The following TBL1X variants were observed in gnomAD, a reference collection of about 807,000 sequenced individuals.
TBL1X encodes the protein transducin beta like 1 X-linked, also known as F-box-like/WD repeat-containing protein TBL1X.
A neutral mutation model predicts 50.7 loss-of-function variants in TBL1X; 10 were observed. That is an observed-to-expected ratio of 0.20 (90% CI 0.12 to 0.33). TBL1X has a LOEUF of 0.33. Ranked by LOEUF, TBL1X falls within the 10% of genes least tolerant of loss-of-function variation. The pLI is 1.00. For synonymous variants in TBL1X, 190 were observed against 214.7 expected, an observed-to-expected ratio of 0.88 and a Z score of 1.01; for missense variants, 340 against 504.4, an observed-to-expected ratio of 0.67 and a Z score of 3.12.
intron 2 of TBL1X, among the ~76,000 whole-genome samples, chrX:9,550,429 A>C (rs1473243581): frequency 8.9e-6 from 1 of 112,457 alleles, no homozygotes; most frequent in Admixed American, 9.4e-5. Flanking sequence ...AATGGGGCTT[A>C]ATACAATACA....
intron 2 of TBL1X, among the ~76,000 whole-genome samples, chrX:9,606,046 G>A (rs1360877212): frequency 8.9e-6 from 1 of 112,353 alleles, no homozygotes; most frequent in Non-Finnish European, 1.9e-5. Flanking sequence ...AGGTGGTTCT[G>A]GCTCAGGGTC....
chrX:9,666,738 C>CT (rs760376926), intron 5 of TBL1X, among the ~76,000 whole-genome samples: 47 of 111,544 alleles, frequency 4.2e-4, no homozygotes, highest in African/African-American at 1.5e-3. Context: ...CAGACATTGT[C>CT]TGCAGCTCTG....
At chrX:9,670,522 A>T (rs1438135240) in intron 5 of TBL1X, among the ~76,000 whole-genome samples, 3 of 112,305 alleles carry the variant, frequency 2.7e-5, no homozygotes, top group Non-Finnish European at 5.6e-5. Context: ...TGTCTTGATA[A>T]ATCAGCTCTG....
chrX:9,681,643 G>A (rs1013807882), intron 5 of TBL1X, among the ~76,000 whole-genome samples: 1 of 112,457 alleles, frequency 8.9e-6, no homozygotes, highest in South Asian at 3.7e-4. Flanking sequence ...CCAGGAGCAC[G>A]AGACTTTCCT....
intron 2 of TBL1X, among the ~76,000 whole-genome samples, chrX:9,554,809 A>G (rs768254576): frequency 4.5e-5 from 5 of 112,002 alleles, no homozygotes; most frequent in Non-Finnish European, 9.4e-5. Context: ...AGTGAATTTT[A>G]GTAAATTTAC....
intron 2 of TBL1X, among the ~76,000 whole-genome samples, chrX:9,537,785 C>G (rs940060988): frequency 8.9e-6 from 1 of 112,363 alleles, no homozygotes; most frequent in Non-Finnish European, 1.9e-5. Flanking sequence ...CATATGTTTA[C>G]TTCTCATTGA....
At chrX:9,470,981 C>G (rs1051014695) in intron 1 of TBL1X, among the ~76,000 whole-genome samples, 1 of 112,153 alleles carries the variant, frequency 8.9e-6, no homozygotes, top group African/African-American at 3.2e-5. Flanking sequence ...TTGCACAGTC[C>G]TACCAAAAGG....
intron 7 of TBL1X, among the ~76,000 whole-genome samples, chrX:9,688,972 C>T (rs1407214350): frequency 1.8e-5 from 2 of 113,423 alleles, no homozygotes; most frequent in African/African-American, 6.4e-5. Context: ...GTGTATGTGC[C>T]TGTGTCTGTG....
chrX:9,705,573 A>G (rs6640475), intron 13 of TBL1X, among the ~76,000 whole-genome samples: 17,807 of 109,962 alleles, frequency 0.16, 1,392 homozygotes, highest in East Asian at 0.3. Flanking sequence ...TGAGCAACAT[A>G]GCAAGACTCT....
intron 3 of TBL1X, among the ~76,000 whole-genome samples, chrX:9,652,064 C>T (rs1345349149): frequency 2.7e-5 from 3 of 112,200 alleles, no homozygotes; most frequent in African/African-American, 9.7e-5. Flanking sequence ...AGCCAGGCTG[C>T]GCTCTCCTTT....
chrX:9,693,526 C>T lies in TBL1X; in HGVS notation c.1053+107C>T. On this transcript the variant is annotated intron_variant, in intron 11 of 17. Transcript: ENST00000645353. Reference sequence around the variant, plus strand: ...GGAACTCGTAGGCTTTGTGCTTCCCCTTAAGAAATGAAAATGATTTGTTTA... The same window carrying T: ...GGAACTCGTAGGCTTTGTGCTTCCCTTTAAGAAATGAAAATGATTTGTTTA... 3 of 752,353 alleles carry T rather than the reference C, an allele frequency of 4.0e-6. No individual in the cohort carries two copies. The Admixed American group carries it at 1.0e-4, about 26-fold the overall frequency. The allele number at this position is 752,353 out of a possible 1,213,427, so 62.0% of individuals were successfully genotyped here.
intron 2 of TBL1X, among the ~76,000 whole-genome samples, chrX:9,582,413 C>T (rs1022430760): frequency 1.8e-5 from 2 of 112,329 alleles, no homozygotes; most frequent in African/African-American, 6.5e-5. Flanking sequence ...GTTCTATTCA[C>T]GTGCTCCTGG....
At chrX:9,660,692 T>C (rs957917543) in intron 5 of TBL1X, among the ~76,000 whole-genome samples, 13 of 112,435 alleles carry the variant, frequency 1.2e-4, no homozygotes, top group Non-Finnish European at 2.1e-4. Flanking sequence ...AAAGTGAGCA[T>C]CTACACTCTG....
At chrX:9,508,176 ACTT>A (rs1354079189) in intron 2 of TBL1X, among the ~76,000 whole-genome samples, 2 of 112,338 alleles carry the variant, frequency 1.8e-5, no homozygotes, top group Non-Finnish European at 3.8e-5. Flanking sequence ...GTGGGAGAAA[ACTT>A]CTGCAATCTA....
intron 2 of TBL1X, among the ~76,000 whole-genome samples, chrX:9,580,652 T>G (rs2082436053): frequency 9.0e-6 from 1 of 111,526 alleles, no homozygotes; most frequent in South Asian, 3.8e-4. Flanking sequence ...ATCAGACACA[T>G]TTAAGGTAGA....
chrX:9,655,275 G>A (rs192769862), intron 5 of TBL1X, among the ~76,000 whole-genome samples: 112 of 110,808 alleles, frequency 1.0e-3, no homozygotes, highest in African/African-American at 3.3e-3. Context: ...TAGGCGGGTC[G>A]GTTCCTTCTG....
At position 9,528,929 on chromosome X, in the gene TBL1X, G is replaced by GA. The variant is rs753043134; in HGVS notation, c.-131+27080_-131+27081insA. On this transcript the variant is annotated intron_variant, in intron 2 of 17. Coordinates refer to ENST00000645353, the MANE Select transcript of TBL1X (RefSeq NM_005647.4). ...GGGGGAAGCCCTGAACGGGAATCTT[G>GA]GCCACACACTGCTATATCCGCGACA... is the stretch of plus-strand genomic sequence containing the variant. 3.6e-5 allele frequency among the ~76,000 whole-genome samples: 4 copies of GA among 111,587 alleles called. No homozygotes were observed. In the East Asian group the frequency reaches 8.5e-4, roughly 24 times the overall value.
At chrX:9,670,542 C>T (rs1033134015) in intron 5 of TBL1X, among the ~76,000 whole-genome samples, 3 of 112,233 alleles carry the variant, frequency 2.7e-5, no homozygotes, top group Admixed American at 9.4e-5. Context: ...GTCTAGGCAG[C>T]AGGCAAGGGG....
intron 2 of TBL1X, among the ~76,000 whole-genome samples, chrX:9,513,366 G>C (rs766503855): frequency 8.7e-4 from 96 of 110,493 alleles, no homozygotes; most frequent in Non-Finnish European, 1.3e-3. Flanking sequence ...CCAGTGGGGG[G>C]GTGCAGAAGA....
Sources: gnomAD v4.1 joint callset for allele counts (sites outside exome capture counted in the v4.1 genomes callset) on GRCh38, gnomAD v4.1.1 for gene constraint, MANE v1.5 for transcripts, NCBI Gene and HGNC (gene_info 2026-07-23, HGNC 2026-07-21) for gene names.